The following NYAP2 variants were observed in gnomAD, a reference collection of about 807,000 sequenced individuals.
NYAP2 encodes the protein neuronal tyrosine-phosphorylated phosphoinositide-3-kinase adaptor 2, also known as neuronal tyrosine-phosphorylated phosphoinositide-3-kinase adapter 2.
In NYAP2, 23 loss-of-function variants were observed where a neutral mutation model predicts 50.4. The ratio of observed to expected loss-of-function variants is 0.46; its 90% CI spans 0.33 to 0.65. NYAP2 has a LOEUF of 0.65. Among genes scored for constraint, NYAP2 ranks in the 30% least tolerant of loss-of-function variants. NYAP2 has a pLI of 0.02. For missense variants in NYAP2, 885 were observed against 861.0 expected (o/e 1.03, Z -0.35); for synonymous variants, 394 against 365.2 (o/e 1.08, Z -0.90).
intron 4 of NYAP2, among the ~76,000 whole-genome samples, chr2:225,575,604 C>T (rs2106224763): frequency 6.6e-6 from 1 of 152,272 alleles, no homozygotes. Context: ...TCATGGATAG[C>T]TTGAGCTTCC....
chr2:225,596,664 T>C (rs1313282847), intron 5 of NYAP2, among the ~76,000 whole-genome samples: 2 of 152,214 alleles, frequency 1.3e-5, no homozygotes, highest in African/African-American at 4.8e-5. Flanking sequence ...TTAACCAATA[T>C]TGATTTTAAT....
chr2:225,496,222 G>A lies in NYAP2; in HGVS notation c.222-17149G>A, dbSNP rs375322642. Among the ~76,000 whole-genome samples, 16 of 152,228 alleles carry A rather than the reference G, an allele frequency of 1.1e-4. No individual in the cohort carries two copies. The East Asian group carries it at 2.9e-3, about 28-fold the overall frequency. On this transcript the variant is annotated intron_variant, in intron 3 of 6. Coordinates refer to ENST00000636099, the Ensembl canonical transcript of NYAP2. ...AGTGATGGTAGTCACACATACAGAC[G>A]CTTAAAACTGAGGTTACAGAGGGAG...
chr2:225,652,680 G>A (rs1693756010), exon 7 of NYAP2: 1 of 152,150 alleles, frequency 6.6e-6, no homozygotes, highest in Non-Finnish European at 1.5e-5. Context: ...AAACTCTTCT[G>A]AAATAGCAAC....
intron 5 of NYAP2, among the ~76,000 whole-genome samples, chr2:225,594,721 G>T (rs1478513049): frequency 6.6e-6 from 1 of 151,782 alleles, no homozygotes; most frequent in Non-Finnish European, 1.5e-5. Flanking sequence ...AATTTTTTTT[G>T]GAATTCAGTA....
chr2:225,638,350 C>T (rs1187775782), intron 6 of NYAP2, among the ~76,000 whole-genome samples: 2 of 151,904 alleles, frequency 1.3e-5, no homozygotes, highest in Non-Finnish European at 2.9e-5. Context: ...TTATTTCTAA[C>T]AGTTTGAGGG....
At chr2:225,497,535 A>T (rs1457153092) in intron 3 of NYAP2, among the ~76,000 whole-genome samples, 1 of 152,176 alleles carries the variant, frequency 6.6e-6, no homozygotes. Context: ...TCCAATAGAA[A>T]TGTTTGTAAA....
At chr2:225,475,680 G>A (rs6719245) in intron 3 of NYAP2, among the ~76,000 whole-genome samples, 22,535 of 152,114 alleles carry the variant, frequency 0.15, 2,629 homozygotes, top group African/African-American at 0.33. Flanking sequence ...CAGATATTTT[G>A]CAATTGAGTA....
intron 5 of NYAP2, among the ~76,000 whole-genome samples, chr2:225,598,133 C>T (rs889091392): frequency 6.6e-6 from 1 of 152,058 alleles, no homozygotes; most frequent in Admixed American, 6.5e-5. Context: ...CCTTCACATA[C>T]GATGCAGTCC....
intron 3 of NYAP2, among the ~76,000 whole-genome samples, chr2:225,500,932 G>A (rs1233198591): frequency 6.6e-6 from 1 of 152,130 alleles, no homozygotes; most frequent in African/African-American, 2.4e-5. Flanking sequence ...ACATATTTTG[G>A]TAGTTTTGCA....
chr2:225,557,262 G>A (rs772148386), intron 4 of NYAP2, among the ~76,000 whole-genome samples: 1 of 151,934 alleles, frequency 6.6e-6, no homozygotes, highest in Non-Finnish European at 1.5e-5. Context: ...TCCTTTTTCT[G>A]TTCCTTCCAT....
upstream of NYAP2, among the ~76,000 whole-genome samples, chr2:225,399,189 A>G (rs1694817562): frequency 6.6e-6 from 1 of 152,076 alleles, no homozygotes; most frequent in Admixed American, 6.6e-5. Context: ...ATCCCCTCCC[A>G]TCAAAATTGC....
At chr2:225,506,201 T>C (rs6436562) in intron 3 of NYAP2, among the ~76,000 whole-genome samples, 47,941 of 152,100 alleles carry the variant, frequency 0.32, 7,704 homozygotes, top group South Asian at 0.48. Context: ...TTACTTCCAT[T>C]ACTCATTTTT....
chr2:225,645,233 G>A (rs1041146324), intron 6 of NYAP2, among the ~76,000 whole-genome samples: 9 of 141,204 alleles, frequency 6.4e-5, no homozygotes, highest in Non-Finnish European at 1.2e-4. Context: ...ACTCCAGCCT[G>A]GGCAGAAAAA....
In NYAP2 at chr2:225,499,075, G is replaced by C. The variant is rs577618378; in HGVS notation, c.222-14296G>C. Among the ~76,000 whole-genome samples the C allele has an allele frequency of 1.8e-4, 25 of 142,236 alleles. No homozygotes were observed. In the Admixed American group the frequency reaches 1.8e-3, roughly 10 times the overall value. 93.3% of individuals were successfully genotyped at this position (142,236 alleles called of 152,430 possible). A position where few individuals can be genotyped will look rare whatever the true frequency, so the allele number is the denominator to read the frequency against. ...GACAACCACAGAAAAATCATAAAAG[G>C]GGAAACAGAACTTTGACCTACACTG... is the stretch of plus-strand genomic sequence containing the variant. On this transcript the variant is annotated intron_variant, in intron 3 of 6. Transcript: ENST00000636099.
At chr2:225,664,536 A>G in the NYAP2 span, among the ~76,000 whole-genome samples, 1 of 152,128 alleles carries the variant, frequency 6.6e-6, no homozygotes, top group Non-Finnish European at 1.5e-5. Flanking sequence ...TACAAGTTTT[A>G]CCTACTTACT....
At chr2:225,556,488 A>G (rs1228690734) in intron 4 of NYAP2, among the ~76,000 whole-genome samples, 2 of 152,290 alleles carry the variant, frequency 1.3e-5, no homozygotes, top group Admixed American at 6.5e-5. Context: ...TAATTTAGGC[A>G]TCTAGACTTC....
At chr2:225,551,458 G>A (rs1449613609) in intron 4 of NYAP2, among the ~76,000 whole-genome samples, 1 of 152,198 alleles carries the variant, frequency 6.6e-6, no homozygotes. Flanking sequence ...AGTAGCATGA[G>A]AGACTTCAGC....
chr2:225,527,618 T>A (rs973227667), intron 4 of NYAP2, among the ~76,000 whole-genome samples: 2 of 152,156 alleles, frequency 1.3e-5, no homozygotes, highest in Non-Finnish European at 2.9e-5. Flanking sequence ...TTCACCTGAT[T>A]AACACAGGCC....
intron 3 of NYAP2, among the ~76,000 whole-genome samples, chr2:225,410,999 A>G (rs1186863079): frequency 1.3e-5 from 2 of 152,164 alleles, no homozygotes; most frequent in African/African-American, 4.8e-5. Flanking sequence ...AATAGCATAA[A>G]AGTAAAGATA....
Sources: gnomAD v4.1 joint callset for allele counts (sites outside exome capture counted in the v4.1 genomes callset) on GRCh38, gnomAD v4.1.1 for gene constraint, MANE v1.5 for transcripts, NCBI Gene and HGNC (gene_info 2026-07-23, HGNC 2026-07-21) for gene names.